MYO6: variants seen among roughly 807,000 people sequenced by gnomAD.
MYO6 encodes myosin VI.
Under a neutral mutation model 178.7 loss-of-function variants are expected in MYO6, and 74 were observed. The ratio of observed to expected loss-of-function variants is 0.41; its 90% CI spans 0.34 to 0.50. MYO6 has a LOEUF of 0.50. MYO6 is among the 20% of genes least tolerant of loss of function. The probability of loss-of-function intolerance (pLI) is 0.09; values close to 1 mark genes in which losing one functional copy is unlikely to be tolerated. For synonymous variants in MYO6, 477 were observed against 504.6 expected (o/e 0.95, Z 0.73); for missense variants, 1,330 against 1,547.4 (o/e 0.86, Z 2.36).
intron 1 of MYO6, among the ~76,000 whole-genome samples, chr6:75,756,682 C>G (rs1777384926): frequency 6.6e-6 from 1 of 152,020 alleles, no homozygotes; most frequent in African/African-American, 2.4e-5. Flanking sequence ...AGATATTATG[C>G]CAAGTGAGTA....
chr6:75,911,980 A>G lies in MYO6; in HGVS notation c.3439+282A>G, dbSNP rs76147147. 3.6e-3 allele frequency among the ~76,000 whole-genome samples: 542 copies of G among 152,156 alleles called. 2 individuals are homozygous for G. The highest frequency in any genetic ancestry group is 0.012 in the African/African-American group (516 of 41,580). On this transcript the variant is annotated intron_variant, in intron 33 of 34. Coordinates refer to ENST00000369977, the MANE Select transcript of MYO6 (RefSeq NM_004999.4). ...GCATTTTAAACTGAGAGTATGTACA[A>G]TTCTTATTGTAGCAAAACTCTTAAC... is the stretch of plus-strand genomic sequence containing the variant.
intron 16 of MYO6, chr6:75,865,352 T>G (rs1477435705): frequency 7.2e-6 from 1 of 139,446 alleles, no homozygotes; most frequent in Non-Finnish European, 1.6e-5. Flanking sequence ...TTTTAAATGA[T>G]GTCTTTTTTT....
At chr6:75,827,551 G>T (rs1203676693) in intron 3 of MYO6, among the ~76,000 whole-genome samples, 1 of 152,148 alleles carries the variant, frequency 6.6e-6, no homozygotes, top group Non-Finnish European at 1.5e-5. Context: ...TAGTTAATGT[G>T]CTGAGAAGTC....
intron 2 of MYO6, among the ~76,000 whole-genome samples, chr6:75,821,443 A>T (rs995390205): frequency 1.3e-5 from 2 of 152,112 alleles, no homozygotes; most frequent in African/African-American, 4.8e-5. Context: ...TGATGGGTTA[A>T]TTTTGCTTTT....
At chr6:75,879,724 G>T (rs143549679) in intron 20 of MYO6, 96 bp from the exon 21 acceptor site, 25 of 1,568,334 alleles carry the variant, frequency 1.6e-5, no homozygotes, top group Non-Finnish European at 1.9e-5. Flanking sequence ...TAAATTGCCC[G>T]TTTCTAAACA....
At chr6:75,778,474 G>A (rs1041858326) in intron 1 of MYO6, among the ~76,000 whole-genome samples, 3 of 151,992 alleles carry the variant, frequency 2.0e-5, no homozygotes, top group African/African-American at 7.2e-5. Context: ...GCGGGCGCCT[G>A]TAGTCCCAGC....
At chr6:75,853,249 T>A (rs1775439871) in intron 11 of MYO6, among the ~76,000 whole-genome samples, 1 of 152,324 alleles carries the variant, frequency 6.6e-6, no homozygotes, top group African/African-American at 2.4e-5. Context: ...CTTTATCAGA[T>A]ATATAATTTG....
In MYO6 at chr6:75,891,198, A is replaced by G. The variant is rs752008628; in HGVS notation, c.2868-30A>G. The stretch of plus-strand genomic sequence containing the variant: ...TGAAGGATTCTTTATTTTCTGTTAA[A>G]TTTTTGAAGAGTTTTCTATTTTTTA... On this transcript the variant is annotated intron_variant, in intron 26 of 34. Coordinates refer to ENST00000369977, the MANE Select transcript of MYO6 (RefSeq NM_004999.4). 14 of 1,462,904 alleles carry G rather than the reference A, an allele frequency of 9.6e-6. No homozygotes were observed. In the South Asian group the frequency reaches 1.7e-4, roughly 17 times the overall value. The allele number at this position is 1,462,904 out of a possible 1,614,324, so 90.6% of individuals were successfully genotyped here.
intron 30 of MYO6, among the ~76,000 whole-genome samples, chr6:75,904,593 A>G (rs1445283505): frequency 2.0e-5 from 3 of 152,020 alleles, no homozygotes; most frequent in African/African-American, 7.3e-5. Flanking sequence ...TCCTTTAAGC[A>G]CTTCTCTGTA....
intron 19 of MYO6, among the ~76,000 whole-genome samples, chr6:75,871,035 A>C (rs1256877959): frequency 1.3e-5 from 2 of 152,200 alleles, no homozygotes; most frequent in African/African-American, 4.8e-5. Flanking sequence ...CAGACATGGC[A>C]ATGTTGATGT....
intron 30 of MYO6, among the ~76,000 whole-genome samples, chr6:75,906,836 T>G (rs1780366213): frequency 6.6e-6 from 1 of 152,196 alleles, no homozygotes; most frequent in Non-Finnish European, 1.5e-5. Flanking sequence ...ACTAAATGAG[T>G]CATGATACAG....
Position 75,908,598 on chromosome 6 carries a change from A to G in MYO6, c.3383A>G (p.Gln1128Arg), listed in dbSNP as rs1331090158. 1.9e-6 allele frequency: 3 copies of G among 1,613,556 alleles called. No individual in the cohort carries two copies. The Admixed American group carries it at 5.0e-5, about 27-fold the overall frequency. ...AAGAAGAGAAATACTGAAACAGAGC[A>G]ACGTGCTCCAAAGTCTGTTACTGAT... ...KNKKRNTETEQRAPKSVTDYD... is the reference protein window; with the variant it reads ...KNKKRNTETERRAPKSVTDYD... Residue 1128 changes from glutamine (Q) to arginine (R), a missense_variant, in exon 32 of 35, where the codon CAA (glutamine) becomes CGA (arginine). Coordinates refer to ENST00000369977, the MANE Select transcript of MYO6 (RefSeq NM_004999.4).
chr6:75,907,794 A>ATGTGTGTGTGTG (rs71002774), intron 31 of MYO6, 86 bp downstream of exon 31: 549 of 751,150 alleles, frequency 7.3e-4, no homozygotes, highest in East Asian at 6.6e-3. Flanking sequence ...GTGTGTGTGT[A>ATGTGTGTGTGTG]TGTGTGTGTG....
At chr6:75,892,804 T>C in intron 28 of MYO6, 114 bp downstream of exon 28, 7 of 1,076,040 alleles carry the variant, frequency 6.5e-6, no homozygotes, top group Non-Finnish European at 9.3e-6. Flanking sequence ...AAGGCCCTGA[T>C]ATATTTGAGC....
At chr6:75,840,812 G>T in intron 8 of MYO6, 130 bp downstream of exon 8, 1 of 733,898 alleles carries the variant, frequency 1.4e-6, no homozygotes, top group African/African-American at 1.7e-5. Flanking sequence ...ATGGTTGCAG[G>T]AATATATGTG....
chr6:75,768,683 A>G (rs1199759182), intron 1 of MYO6, among the ~76,000 whole-genome samples: 4 of 152,130 alleles, frequency 2.6e-5, no homozygotes, highest in African/African-American at 7.2e-5. Flanking sequence ...TGCCTGGCCA[A>G]TAATTCATTT....
intron 2 of MYO6, among the ~76,000 whole-genome samples, chr6:75,819,951 C>T (rs1405167210): frequency 1.3e-5 from 2 of 152,008 alleles, no homozygotes; most frequent in East Asian, 3.9e-4. Context: ...ACTCTGGTGG[C>T]TGAAGTGCAC....
chr6:75,815,674 A>G (rs566829671), intron 1 of MYO6, among the ~76,000 whole-genome samples: 1 of 152,374 alleles, frequency 6.6e-6, no homozygotes, highest in African/African-American at 2.4e-5. Flanking sequence ...TAGCCACTGC[A>G]TAGACGACAT....
intron 1 of MYO6, among the ~76,000 whole-genome samples, chr6:75,804,740 A>T (rs1448086420): frequency 6.6e-6 from 1 of 151,956 alleles, no homozygotes; most frequent in Non-Finnish European, 1.5e-5. Context: ...CAGTCTTGGA[A>T]GGATTCTGTT....
Sources: allele counts gnomAD v4.1 joint callset (sites outside exome capture counted in the v4.1 genomes callset), GRCh38; gene constraint gnomAD v4.1.1; transcripts MANE v1.5; gene names NCBI Gene and HGNC (gene_info 2026-07-23, HGNC 2026-07-21).